The following COL14A1 variants were observed in gnomAD, a reference collection of about 807,000 sequenced individuals.
COL14A1 encodes the protein collagen type XIV alpha 1 chain, also known as collagen alpha-1(XIV) chain.
COL14A1 carries 136 observed loss-of-function variants against 230.3 expected under a neutral mutation model. The ratio of observed to expected loss-of-function variants is 0.59; its 90% CI spans 0.51 to 0.68. The LOEUF (loss-of-function observed/expected upper bound fraction) is 0.68, where lower values mean the gene tolerates loss of function less well. Ranked by LOEUF, COL14A1 falls within the 30% of genes least tolerant of loss-of-function variation. The probability of loss-of-function intolerance (pLI) is 0.00; values close to 1 mark genes in which losing one functional copy is unlikely to be tolerated. For synonymous variants in COL14A1, 792 were observed against 784.1 expected (o/e 1.01, Z -0.17); for missense variants, 1,976 against 2,215.8 (o/e 0.89, Z 2.17).
intron 29 of COL14A1, 23 bp from the exon 30 acceptor site, chr8:120,280,683 GTTTTA>G: frequency 6.2e-7 from 1 of 1,609,872 alleles, no homozygotes; most frequent in Non-Finnish European, 8.5e-7. Context: ...CCGAATTAGA[GTTTTA>G]TTTTGTTTGT....
intron 45 of COL14A1, among the ~76,000 whole-genome samples, chr8:120,353,909 A>G (rs1822871047): frequency 6.6e-6 from 1 of 150,866 alleles, no homozygotes; most frequent in African/African-American, 2.5e-5. Flanking sequence ...CCAAAGGACT[A>G]TAAATCATGC....
intron 5 of COL14A1, among the ~76,000 whole-genome samples, chr8:120,175,762 A>G (rs963611327): frequency 2.6e-5 from 4 of 152,206 alleles, no homozygotes; most frequent in Non-Finnish European, 4.4e-5. Context: ...AAGTTTGCTT[A>G]TCTTTGTCTT....
At chr8:120,267,905 G>A (rs1430772897) in intron 25 of COL14A1, among the ~76,000 whole-genome samples, 1 of 151,802 alleles carries the variant, frequency 6.6e-6, no homozygotes, top group African/African-American at 2.4e-5. Flanking sequence ...AGAGGAGAAA[G>A]TAGAACACAT....
At chr8:120,181,731 C>T (rs1342960018) in intron 5 of COL14A1, among the ~76,000 whole-genome samples, 1 of 152,144 alleles carries the variant, frequency 6.6e-6, no homozygotes, top group Admixed American at 6.5e-5. Flanking sequence ...CCTTTCTCCC[C>T]TCACTTCTGC....
At chr8:120,254,821 C>CA (rs59681431) in intron 22 of COL14A1, among the ~76,000 whole-genome samples, 38,225 of 93,682 alleles carry the variant, frequency 0.41, 7,271 homozygotes, top group Middle Eastern at 0.5. Flanking sequence ...ACTGCCTCTA[C>CA]AAAAAAAAAA....
intron 45 of COL14A1, 122 bp from the exon 46 acceptor site, chr8:120,367,049 C>A (rs1823426703): frequency 1.5e-6 from 1 of 673,140 alleles, no homozygotes; most frequent in African/African-American, 1.8e-5. Flanking sequence ...GTACTCATAA[C>A]CCCAAACGAA....
intron 22 of COL14A1, among the ~76,000 whole-genome samples, chr8:120,251,623 A>G (rs1818962088): frequency 6.6e-6 from 1 of 152,070 alleles, no homozygotes; most frequent in South Asian, 2.1e-4. Context: ...AGTTTGTTAT[A>G]CCTCCGCATG....
At chr8:120,264,194 A>C (rs1340183063) in intron 24 of COL14A1, among the ~76,000 whole-genome samples, 1 of 152,120 alleles carries the variant, frequency 6.6e-6, no homozygotes, top group Non-Finnish European at 1.5e-5. Flanking sequence ...GACATTTCAC[A>C]TAAGTGGAAA....
At chr8:120,297,840 C>T (rs1471741958) in intron 35 of COL14A1, among the ~76,000 whole-genome samples, 5 of 151,970 alleles carry the variant, frequency 3.3e-5, no homozygotes, top group Non-Finnish European at 7.4e-5. Context: ...TTCCATGGCT[C>T]ATGAAGCCCT....
At chr8:120,337,503 T>C (rs1246939196) in intron 42 of COL14A1, among the ~76,000 whole-genome samples, 1 of 152,086 alleles carries the variant, frequency 6.6e-6, no homozygotes. Flanking sequence ...AATATTCTTA[T>C]AGATTAGGGG....
At chr8:120,309,356 A>C (rs1258159934) in intron 36 of COL14A1, among the ~76,000 whole-genome samples, 1 of 152,164 alleles carries the variant, frequency 6.6e-6, no homozygotes, top group Admixed American at 6.5e-5. Flanking sequence ...AAAATAAGTG[A>C]AATAGTCAAT....
At chr8:120,315,455 T>C in intron 38 of COL14A1, 78 bp from the exon 39 acceptor site, 2 of 1,112,646 alleles carry the variant, frequency 1.8e-6, no homozygotes, top group East Asian at 4.9e-5. Flanking sequence ...GGAAACTATT[T>C]AAATAATGAG....
intron 45 of COL14A1, among the ~76,000 whole-genome samples, chr8:120,349,667 G>C (rs1039445557): frequency 7.9e-5 from 11 of 138,452 alleles, no homozygotes; most frequent in Non-Finnish European, 1.2e-4. Flanking sequence ...GAAATGAAGC[G>C]AGAAGGGAAG....
intron 1 of COL14A1, among the ~76,000 whole-genome samples, chr8:120,125,723 T>C (rs1040254764): frequency 6.6e-6 from 1 of 151,720 alleles, no homozygotes; most frequent in Non-Finnish European, 1.5e-5. Flanking sequence ...ACAAAGGCGG[T>C]AATTTGGGTG....
chr8:120,216,291 T>C (rs748690863), intron 13 of COL14A1, 60 bp from the exon 14 acceptor site: 212 of 1,446,230 alleles, frequency 1.5e-4, no homozygotes, highest in Non-Finnish European at 1.9e-4. Context: ...AAGATGCAAT[T>C]TCTTTTTACA....
At chr8:120,210,452 T>C (rs1817585905) in intron 12 of COL14A1, among the ~76,000 whole-genome samples, 1 of 152,224 alleles carries the variant, frequency 6.6e-6, no homozygotes, top group African/African-American at 2.4e-5. Context: ...TTTTGCTTTA[T>C]GTGGTGCATA....
chr8:120,296,465 T>A (rs1487731948), intron 34 of COL14A1, among the ~76,000 whole-genome samples: 1 of 151,946 alleles, frequency 6.6e-6, no homozygotes, highest in Non-Finnish European at 1.5e-5. Context: ...ACCATTTTTC[T>A]AGAAGATGTT....
chr8:120,326,887 G>A (rs1233116820), intron 40 of COL14A1, among the ~76,000 whole-genome samples: 1 of 152,062 alleles, frequency 6.6e-6, no homozygotes, highest in African/African-American at 2.4e-5. Context: ...TTAGCCGGGT[G>A]TGGTGGTGCA....
At chr8:120,281,123 T>G in intron 31 of COL14A1, 64 bp downstream of exon 31, 1 of 1,475,716 alleles carries the variant, frequency 6.8e-7, no homozygotes, top group Non-Finnish European at 9.2e-7. Context: ...GTGAAAATGA[T>G]GTCAACTTGA....
Sources: allele counts gnomAD v4.1 joint callset (sites outside exome capture counted in the v4.1 genomes callset), GRCh38; gene constraint gnomAD v4.1.1; transcripts MANE v1.5; gene names NCBI Gene and HGNC (gene_info 2026-07-23, HGNC 2026-07-21).